DSCAML1: variants seen among roughly 807,000 people sequenced by gnomAD.
DSCAML1 encodes the protein DS cell adhesion molecule like 1, also known as cell adhesion molecule DSCAML1.
DSCAML1 carries 38 observed loss-of-function variants against 200.5 expected under a neutral mutation model. That is an observed-to-expected ratio of 0.19 (90% CI 0.15 to 0.25). The LOEUF is 0.25. Among genes scored for constraint, DSCAML1 ranks in the 10% least tolerant of loss-of-function variants. The pLI is 1.00. For missense variants in DSCAML1, 2,223 were observed against 2,858.8 expected, an observed-to-expected ratio of 0.78 and a Z score of 5.07; for synonymous variants, 1,215 against 1,165.0, an observed-to-expected ratio of 1.04 and a Z score of -0.87.
intron 5 of DSCAML1, 71 bp downstream of exon 5, chr11:117,524,734 A>C (rs2049943150): frequency 1.3e-6 from 2 of 1,507,684 alleles, no homozygotes; most frequent in Non-Finnish European, 8.9e-7. Flanking sequence ...GCTGTCGGCC[A>C]CACTCCTCCC....
intron 3 of DSCAML1, among the ~76,000 whole-genome samples, chr11:117,763,119 G>A (rs971349548): frequency 3.9e-5 from 6 of 152,104 alleles, no homozygotes; most frequent in African/African-American, 1.4e-4. Context: ...CCGAGGAGGG[G>A]CACAGGAGTA....
intron 3 of DSCAML1, among the ~76,000 whole-genome samples, chr11:117,558,795 C>T (rs1414800867): frequency 5.9e-5 from 9 of 152,262 alleles, no homozygotes; most frequent in Admixed American, 3.3e-4. Flanking sequence ...ATCAAGTAAG[C>T]GTGAGGAAGG....
At chr11:117,781,192 G>A (rs2055254137) in intron 1 of DSCAML1, among the ~76,000 whole-genome samples, 1 of 151,614 alleles carries the variant, frequency 6.6e-6, no homozygotes, top group East Asian at 1.9e-4. Flanking sequence ...TCGAGAGGAT[G>A]AGGCAGGAGA....
intron 3 of DSCAML1, among the ~76,000 whole-genome samples, chr11:117,535,289 A>T (rs1304226284): frequency 1.3e-5 from 2 of 152,138 alleles, no homozygotes; most frequent in Admixed American, 6.5e-5. Context: ...CTGTCCTTGG[A>T]CAGTGGTTAT....
chr11:117,510,511 C>T lies in DSCAML1; in HGVS notation c.1784-4779G>A, dbSNP rs182959397. The stretch of plus-strand genomic sequence containing the variant: ...CAGCTGACTTAAGTTTTTACACAAC[C>T]CTCTCTTCTCAGGAAGCCCATCCCA... On this transcript the variant is annotated intron_variant, in intron 8 of 32. Coordinates refer to ENST00000651296, the MANE Select transcript of DSCAML1 (RefSeq NM_020693.4). 1.3e-3 allele frequency among the ~76,000 whole-genome samples: 198 copies of T among 152,232 alleles called. 1 individual carries two copies. The highest frequency in any genetic ancestry group is 2.0e-3 in the Non-Finnish European group (136 of 68,026).
At chr11:117,692,664 T>G (rs2053517584) in intron 3 of DSCAML1, among the ~76,000 whole-genome samples, 1 of 152,204 alleles carries the variant, frequency 6.6e-6, no homozygotes, top group Admixed American at 6.5e-5. Flanking sequence ...AGAAGAGACC[T>G]TCAAGAGCAC....
At chr11:117,589,713 C>T (rs534395544) in intron 3 of DSCAML1, among the ~76,000 whole-genome samples, 53 of 152,268 alleles carry the variant, frequency 3.5e-4, no homozygotes, top group African/African-American at 1.2e-3. Context: ...ACATGAGGTA[C>T]GGAAAGCTTT....
chr11:117,740,370 A>G (rs1481958904), intron 3 of DSCAML1, among the ~76,000 whole-genome samples: 1 of 152,150 alleles, frequency 6.6e-6, no homozygotes, highest in Non-Finnish European at 1.5e-5. Flanking sequence ...TTCTATCTAC[A>G]TCTAACATTA....
Position 117,679,489 on chromosome 11 carries a change from C to G in DSCAML1, c.511+97302G>C, listed in dbSNP as rs555924936. On this transcript the variant is annotated intron_variant, in intron 3 of 32. Transcript: ENST00000651296. The stretch of plus-strand genomic sequence containing the variant: ...GCTGGGTGATGGGTGCTTTTTCCAG[C>G]CCTTGGTGAGCAGTAATTTCTCTGA... Among the ~76,000 whole-genome samples, 71 of 152,282 alleles carry G rather than the reference C, an allele frequency of 4.7e-4. 1 individual carries two copies. In the South Asian group the frequency reaches 0.015, roughly 31 times the overall value.
intron 19 of DSCAML1, 68 bp from the exon 20 acceptor site, chr11:117,450,756 GTT>G (rs2048268113): frequency 1.3e-6 from 2 of 1,548,070 alleles, no homozygotes; most frequent in Non-Finnish European, 8.7e-7. Flanking sequence ...AAATGACAGA[GTT>G]GGGAGAGGGA....
chr11:117,758,020 T>A (rs1359539926), intron 3 of DSCAML1, among the ~76,000 whole-genome samples: 1 of 150,874 alleles, frequency 6.6e-6, no homozygotes, highest in Admixed American at 6.6e-5. Flanking sequence ...CAAACAAAAA[T>A]GGTCAGGCAT....
intron 3 of DSCAML1, among the ~76,000 whole-genome samples, chr11:117,547,452 C>G (rs551265394): frequency 1.5e-3 from 232 of 152,020 alleles, no homozygotes; most frequent in African/African-American, 5.1e-3. Context: ...CGGCCCCACC[C>G]TTCTGCTCCT....
At chr11:117,672,697 A>G (rs149393811) in intron 3 of DSCAML1, among the ~76,000 whole-genome samples, 1 of 152,250 alleles carries the variant, frequency 6.6e-6, no homozygotes, top group Non-Finnish European at 1.5e-5. Flanking sequence ...ACACATCACT[A>G]TCATTCTGGG....
At chr11:117,739,711 G>A (rs1026784537) in intron 3 of DSCAML1, among the ~76,000 whole-genome samples, 1 of 152,210 alleles carries the variant, frequency 6.6e-6, no homozygotes, top group Non-Finnish European at 1.5e-5. Context: ...GGGCTGCATG[G>A]CCATTAGTGG....
rs2048896979 is a variant in DSCAML1, at chr11:117,480,701, G to A, written c.2657-130C>T. Reference sequence around the variant, plus strand: ...TGGCACCCTAGGGTTTGAGCAGGGTGGGGGCTGGAGGAGGCCAGCAGCCAG... The same window carrying A: ...TGGCACCCTAGGGTTTGAGCAGGGTAGGGGCTGGAGGAGGCCAGCAGCCAG... On this transcript the variant is annotated intron_variant, in intron 13 of 32. Coordinates refer to ENST00000651296, the MANE Select transcript of DSCAML1 (RefSeq NM_020693.4). The surrounding 1 kb of genome is among the most constrained non-coding windows in gnomAD (Gnocchi z 4.1). 1 of 1,007,918 alleles carries A rather than the reference G, an allele frequency of 9.9e-7. No homozygotes were observed. The highest frequency in any genetic ancestry group is 1.4e-6 in the Non-Finnish European group (1 of 693,062). The allele number at this position is 1,007,918 out of a possible 1,614,324, so 62.4% of individuals were successfully genotyped here.
intron 3 of DSCAML1, among the ~76,000 whole-genome samples, chr11:117,603,330 G>A (rs929521270): frequency 3.9e-5 from 6 of 152,174 alleles, no homozygotes; most frequent in Non-Finnish European, 5.9e-5. Flanking sequence ...AAATGGCAGC[G>A]GGCATGACTT....
chr11:117,476,848 C>T (rs977411758), intron 14 of DSCAML1, among the ~76,000 whole-genome samples: 1 of 152,080 alleles, frequency 6.6e-6, no homozygotes, highest in Non-Finnish European at 1.5e-5. Flanking sequence ...GGCAAAGGCA[C>T]ATTTGGGGCA....
chr11:117,645,997 C>T (rs2052514087), intron 3 of DSCAML1, among the ~76,000 whole-genome samples: 2 of 152,166 alleles, frequency 1.3e-5, no homozygotes, highest in Non-Finnish European at 1.5e-5. Flanking sequence ...TGAGTGATTT[C>T]TATTTTCAAA....
At chr11:117,537,650 G>C (rs2050193951) in intron 3 of DSCAML1, among the ~76,000 whole-genome samples, 1 of 152,196 alleles carries the variant, frequency 6.6e-6, no homozygotes, top group South Asian at 2.1e-4. Flanking sequence ...GGGTCCTCCT[G>C]GGTTAGATTG....
Sources: allele counts gnomAD v4.1 joint callset (sites outside exome capture counted in the v4.1 genomes callset), GRCh38; gene constraint gnomAD v4.1.1; non-coding constraint Gnocchi (gnomAD v3.1); transcripts MANE v1.5; gene names NCBI Gene and HGNC (gene_info 2026-07-23, HGNC 2026-07-21).